Variants in IFNGR1 observed in about 807,000 individuals in gnomAD.
The protein encoded by IFNGR1 is interferon gamma receptor 1, also known as AVP, type 2.
IFNGR1 carries 23 observed loss-of-function variants against 35.4 expected under a neutral mutation model. The observed-to-expected ratio is 0.65, with a 90% CI of 0.47 to 0.92. The LOEUF (loss-of-function observed/expected upper bound fraction) is 0.92. Ranked by LOEUF, IFNGR1 falls within the 40% of genes least tolerant of loss-of-function variation. IFNGR1 has a pLI of 0.00. For synonymous variants in IFNGR1, 199 were observed against 209.5 expected (o/e 0.95, Z 0.43); for missense variants, 533 against 583.4 (o/e 0.91, Z 0.89).
intron 2 of IFNGR1, 127 bp downstream of exon 2, chr6:137,206,836 T>C (rs1779441830): frequency 1.4e-6 from 1 of 696,194 alleles, no homozygotes; most frequent in South Asian, 1.7e-5. Flanking sequence ...TTAGTACTTT[T>C]GGACCTCTAT....
At chr6:137,214,369 C>T (rs1373262025) in intron 1 of IFNGR1, among the ~76,000 whole-genome samples, 1 of 152,198 alleles carries the variant, frequency 6.6e-6, no homozygotes, top group African/African-American at 2.4e-5. Context: ...TTTCTTAATG[C>T]TTTCCAACTT....
intron 1 of IFNGR1, among the ~76,000 whole-genome samples, chr6:137,213,134 A>G (rs1364196655): frequency 6.6e-6 from 1 of 152,236 alleles, no homozygotes; most frequent in Non-Finnish European, 1.5e-5. Context: ...ATATATTCAG[A>G]TTAAATTAAT....
intron 1 of IFNGR1, among the ~76,000 whole-genome samples, chr6:137,209,646 G>GT (rs575096967): frequency 1.7e-3 from 254 of 152,316 alleles, no homozygotes; most frequent in African/African-American, 6.0e-3. Flanking sequence ...ATGTGGAACT[G>GT]TAAGTCCAAT....
At chr6:137,201,034 T>A (rs754533375) in intron 5 of IFNGR1, 26 bp from the exon 6 acceptor site, 2 of 1,610,456 alleles carry the variant, frequency 1.2e-6, no homozygotes, top group South Asian at 2.2e-5. Context: ...AATCACAAGT[T>A]ACAATTAAGA....
intron 5 of IFNGR1, among the ~76,000 whole-genome samples, chr6:137,201,373 C>T (rs967448289): frequency 6.6e-6 from 1 of 152,150 alleles, no homozygotes; most frequent in Admixed American, 6.5e-5. Flanking sequence ...AAATACCTCT[C>T]CTTAGAAACA....
At chr6:137,210,873 T>C (rs566220163) in intron 1 of IFNGR1, among the ~76,000 whole-genome samples, 1 of 152,338 alleles carries the variant, frequency 6.6e-6, no homozygotes, top group East Asian at 1.9e-4. Flanking sequence ...CAAACTGGTA[T>C]ATTGCCTTAA....
At chr6:137,213,879 G>A (rs1260812883) in intron 1 of IFNGR1, among the ~76,000 whole-genome samples, 4 of 152,054 alleles carry the variant, frequency 2.6e-5, no homozygotes, top group African/African-American at 4.8e-5. Context: ...AGGACAGCCC[G>A]AGGAGTTCAT....
intron 3 of IFNGR1, among the ~76,000 whole-genome samples, 181 bp downstream of exon 3, chr6:137,205,955 G>T (rs1779417657): frequency 6.6e-6 from 1 of 152,210 alleles, no homozygotes; most frequent in Non-Finnish European, 1.5e-5. Flanking sequence ...AAAAGTTTCA[G>T]ATTTTGGAGC....
In IFNGR1 at chr6:137,203,635, C is replaced by T; in HGVS notation, c.597G>A (p.Gln199=). Residue 199 remains glutamine (Q), a synonymous_variant, in exon 5 of 7, where the codon CAG becomes CAA. Coordinates refer to ENST00000367739, the MANE Select transcript of IFNGR1 (RefSeq NM_000416.3). The stretch of plus-strand genomic sequence containing the variant: ...AGGATACTGGAATCGCTAACTGGCA[C>T]TGAATCTCGTCACAATCATCTTCCT... ...TQKEDDCDEI[Q]CQLAIPVSSL... is the part of the protein sequence containing the mutation. 1 of 1,612,914 alleles carries T rather than the reference C, an allele frequency of 6.2e-7. No individual in the cohort carries two copies. Among genetic ancestry groups the T allele is most frequent in the Non-Finnish European group, 8.5e-7 (1 of 1,179,126 alleles).
rs752369259 is a variant in IFNGR1, at chr6:137,206,321, A to C, written c.201-13T>G. ...TGAATTCTTAACACTAAAAAGAATA[A>C]AAAAATGCGAAGATAACTTTTATTG... On this transcript the variant is annotated splice_polypyrimidine_tract_variant and intron_variant, in intron 2 of 6. Transcript: ENST00000367739. The C allele has an allele frequency of 3.2e-6, 5 of 1,574,074 alleles. No individual in the cohort carries two copies. Among genetic ancestry groups the C allele is most frequent in the African/African-American group, 2.7e-5 (2 of 73,960 alleles).
chr6:137,207,278 C>A (rs937667659), intron 1 of IFNGR1, among the ~76,000 whole-genome samples: 4 of 152,088 alleles, frequency 2.6e-5, no homozygotes, highest in Non-Finnish European at 5.9e-5. Context: ...AGTTCTGATT[C>A]GTTTTAAATT....
intron 3 of IFNGR1, 73 bp from the exon 4 acceptor site, chr6:137,204,577 A>T: frequency 8.2e-7 from 1 of 1,218,536 alleles, no homozygotes. Flanking sequence ...TAAAATTACC[A>T]GAATCTATCA....
chr6:137,213,177 A>G (rs1287231764), intron 1 of IFNGR1, among the ~76,000 whole-genome samples: 2 of 152,268 alleles, frequency 1.3e-5, no homozygotes, highest in African/African-American at 4.8e-5. Flanking sequence ...ATACATTTAC[A>G]CTATGTAAAT....
At chr6:137,213,372 A>G (rs1377068211) in intron 1 of IFNGR1, among the ~76,000 whole-genome samples, 1 of 152,250 alleles carries the variant, frequency 6.6e-6, no homozygotes, top group Non-Finnish European at 1.5e-5. Flanking sequence ...AGTGTATTAC[A>G]TCTGCATACT....
At chr6:137,215,961 C>T (rs1426836241) in intron 1 of IFNGR1, among the ~76,000 whole-genome samples, 5 of 152,220 alleles carry the variant, frequency 3.3e-5, no homozygotes, top group South Asian at 4.1e-4. Context: ...ATCCTTCCGC[C>T]GATGTGCTGG....
rs139412564 is a variant in IFNGR1 at position 137,215,958 on chromosome 6, C to T, written c.85+3285G>A. Among the ~76,000 whole-genome samples, 333 of 152,274 alleles carry T rather than the reference C, an allele frequency of 2.2e-3. 2 individuals carry two copies. Among genetic ancestry groups the T allele is most frequent in the African/African-American group, 7.0e-3 (290 of 41,560 alleles). ...AACTTCTGGGCTCCAGTGATCCTTCCGCCGATGTGCTGGGATTACAGGCAT... is the reference window on the plus strand; with the variant it reads ...AACTTCTGGGCTCCAGTGATCCTTCTGCCGATGTGCTGGGATTACAGGCAT... On this transcript the variant is annotated intron_variant, in intron 1 of 6. Coordinates refer to ENST00000367739, the MANE Select transcript of IFNGR1 (RefSeq NM_000416.3).
At chr6:137,201,972 T>C (rs1027132873) in intron 5 of IFNGR1, among the ~76,000 whole-genome samples, 12 of 151,566 alleles carry the variant, frequency 7.9e-5, no homozygotes, top group Non-Finnish European at 4.4e-5. Flanking sequence ...AGCACAATCT[T>C]CAGTATTTTT....
In IFNGR1 at chr6:137,198,160, G is replaced by A. The variant is rs41288979; in HGVS notation, c.1341C>T (p.Thr447=). The A allele has an allele frequency of 2.3e-3, 3,784 of 1,614,086 alleles. 10 individuals carry two copies. Among genetic ancestry groups the A allele is most frequent in the Non-Finnish European group, 3.1e-3 (3,618 of 1,180,012 alleles). ...EIKTEGQELI[T]VIKAPTSFGY... ...CAAAGGAGGTGGGGGCTTTTATTACGGTTATGAGCTCTTGTCCTTCTGTTT... is the reference window on the plus strand; with the variant it reads ...CAAAGGAGGTGGGGGCTTTTATTACAGTTATGAGCTCTTGTCCTTCTGTTT... The change falls in exon 7 of 7, where the codon ACC becomes ACT. Residue 447 remains threonine (T), a synonymous_variant. Transcript: ENST00000367739.
At chr6:137,205,034 C>T (rs1259713622) in intron 3 of IFNGR1, among the ~76,000 whole-genome samples, 2 of 152,170 alleles carry the variant, frequency 1.3e-5, no homozygotes, top group South Asian at 2.1e-4. Context: ...CTGTGTACCA[C>T]TGTGTGCCAG....
Sources: allele counts gnomAD v4.1 joint callset (sites outside exome capture counted in the v4.1 genomes callset), GRCh38; gene constraint gnomAD v4.1.1; transcripts MANE v1.5; gene names NCBI Gene and HGNC (gene_info 2026-07-23, HGNC 2026-07-21).